The following MARK4 variants were observed in gnomAD, a reference collection of about 807,000 sequenced individuals.
MARK4 encodes microtubule affinity regulating kinase 4.
A neutral mutation model predicts 81.5 loss-of-function variants in MARK4; 19 were observed. The observed-to-expected ratio is 0.23, with a 90% CI of 0.16 to 0.34. The LOEUF is 0.34. Ranked by LOEUF, MARK4 falls within the 10% of genes least tolerant of loss-of-function variation. The pLI is 1.00. For synonymous variants in MARK4, 436 were observed against 439.0 expected (o/e 0.99, Z 0.08); for missense variants, 772 against 1,058.8 (o/e 0.73, Z 3.76).
At chr19:45,288,666 C>T (rs1236934464) in intron 13 of MARK4, 1 of 150,760 alleles carries the variant, frequency 6.6e-6, no homozygotes, top group East Asian at 2.0e-4. Context: ...GTGGCTAACA[C>T]AGTGAAACCT....
At chr19:45,282,729 G>A (rs1970692357) in intron 12 of MARK4, among the ~76,000 whole-genome samples, 2 of 152,056 alleles carry the variant, frequency 1.3e-5, no homozygotes, top group Non-Finnish European at 1.5e-5. Context: ...GGAGGCTGAG[G>A]CAGAGAATTG....
At chr19:45,269,125 T>C (rs1245046211) in intron 7 of MARK4, among the ~76,000 whole-genome samples, 1 of 152,126 alleles carries the variant, frequency 6.6e-6, no homozygotes, top group East Asian at 1.9e-4. Context: ...ACCTGTAATC[T>C]CAGCACTTTT....
chr19:45,302,629 A>G lies in MARK4; in HGVS notation c.2178A>G (p.Gly726=). 6.5e-7 allele frequency: 1 copy of G among 1,547,136 alleles called. No homozygotes were observed. Among genetic ancestry groups the G allele is most frequent in the Non-Finnish European group, 8.7e-7 (1 of 1,153,074 alleles). Reference sequence around the variant, plus strand: ...AGCTGCCCCGGCCAGGCTTGCGGGGAGTTCTCTTCCGCCGTGTGGCGGGCA... The same window carrying G: ...AGCTGCCCCGGCCAGGCTTGCGGGGGGTTCTCTTCCGCCGTGTGGCGGGCA... ...VCQLPRPGLR[G]VLFRRVAGTA... Residue 726 remains glycine (G), a synonymous_variant, in exon 17 of 17, where the codon GGA becomes GGG. Transcript: ENST00000262891. This position sits in a 1 kb window ranked among gnomAD's most constrained non-coding sequence, Gnocchi z 4.9.
chr19:45,262,961 C>T (rs773892019), intron 2 of MARK4, 152 bp from the exon 3 acceptor site: 317 of 789,552 alleles, frequency 4.0e-4, no homozygotes, highest in Non-Finnish European at 6.0e-4. Flanking sequence ...GACAGGGTTT[C>T]GTCGTGTTGA....
intron 10 of MARK4, chr19:45,280,163 AC>A: frequency 2.0e-6 from 1 of 505,134 alleles, no homozygotes; most frequent in Non-Finnish European, 3.6e-6. Flanking sequence ...AGCCTGGACA[AC>A]ATAGCAAAAC....
At chr19:45,282,582 C>G (rs1325145241) in intron 12 of MARK4, among the ~76,000 whole-genome samples, 1 of 151,994 alleles carries the variant, frequency 6.6e-6, no homozygotes, top group Non-Finnish European at 1.5e-5. Flanking sequence ...AATCCCAGCA[C>G]TTTAGGAAGC....
intron 1 of MARK4, among the ~76,000 whole-genome samples, chr19:45,256,660 GATT>G (rs913420634): frequency 1.3e-5 from 2 of 152,228 alleles, no homozygotes; most frequent in African/African-American, 4.8e-5. Flanking sequence ...GGTCAGCGTT[GATT>G]GGGGTTGAGG....
rs1599808535 is a variant in MARK4 at position 45,301,587 on chromosome 19, G to A, written c.1923-787G>A. On this transcript the variant is annotated intron_variant, in intron 16 of 16. Transcript: ENST00000262891. ...AAAAAAAAAAAAAAAAAAGCCGGGC[G>A]CAGTGGCTCACACCTGTAATCCCAG... is the stretch of plus-strand genomic sequence containing the variant. 2.3e-5 allele frequency among the ~76,000 whole-genome samples: 3 copies of A among 129,476 alleles called. No individual in the cohort carries two copies. In the East Asian group the frequency reaches 6.8e-4, roughly 29 times the overall value. The allele number at this position is 129,476 out of a possible 152,430, so 84.9% of individuals were successfully genotyped here. A position where few individuals can be genotyped will look rare whatever the true frequency, so the allele number is the denominator to read the frequency against.
Position 45,271,612 on chromosome 19 carries a change from G to A in MARK4, c.690G>A (p.Lys230=), listed in dbSNP as rs1308125361. The A allele has an allele frequency of 1.1e-5, 17 of 1,614,154 alleles. No individual in the cohort carries two copies. The highest frequency in any genetic ancestry group is 1.2e-5 in the Non-Finnish European group (14 of 1,180,062). The part of the protein sequence containing the change: ...PYAAPELFQG[K]KYDGPEVDIW... ...CCGCCCCGGAGCTGTTTCAGGGCAAGAAGTACGACGGGCCGGAGGTGGACA... is the reference window on the plus strand; with the variant it reads ...CCGCCCCGGAGCTGTTTCAGGGCAAAAAGTACGACGGGCCGGAGGTGGACA... The change falls in exon 8 of 17, where the codon AAG becomes AAA. Residue 230 remains lysine, a synonymous_variant. Coordinates refer to ENST00000262891, the MANE Select transcript of MARK4 (RefSeq NM_001199867.2). This position sits in a 1 kb window ranked among gnomAD's most constrained non-coding sequence, Gnocchi z 4.1.
chr19:45,299,367 C>T (rs1970935332), intron 15 of MARK4, among the ~76,000 whole-genome samples: 2 of 151,956 alleles, frequency 1.3e-5, no homozygotes, highest in Admixed American at 6.6e-5. Flanking sequence ...GAGGCTGCAG[C>T]GAGCTGAGAT....
chr19:45,257,687 A>AT (rs1568489519), intron 1 of MARK4, among the ~76,000 whole-genome samples: 11 of 79,150 alleles, frequency 1.4e-4, no homozygotes, highest in South Asian at 4.1e-4. Context: ...CTGGCCCATA[A>AT]TATTTTTTTT....
chr19:45,268,574 A>G (rs1288524307), intron 7 of MARK4, among the ~76,000 whole-genome samples: 2 of 147,204 alleles, frequency 1.4e-5, no homozygotes, highest in Non-Finnish European at 3.0e-5. Context: ...ACAGAGCAAG[A>G]CTCCATCTCA....
In MARK4 at chr19:45,257,544, C is replaced by T. The variant is rs911898206; in HGVS notation, c.52-1445C>T. ...GATTACAGGTGCGCGTCACCATGTC[C>T]GGCTAATTTTTGTATTTTTAGTAGA... On this transcript the variant is annotated intron_variant, in intron 1 of 16. Transcript: ENST00000262891. 2.2e-4 allele frequency among the ~76,000 whole-genome samples: 33 copies of T among 149,676 alleles called. 1 individual carries two copies. The highest frequency in any genetic ancestry group is 8.0e-4 in the Admixed American group (12 of 14,968).
chr19:45,259,166 C>T lies in MARK4; in HGVS notation c.229C>T (p.Arg77Trp). ...KGNFAKVKLA[R>W]HILTGREVAI... ...CAACTTTGCCAAAGTCAAGCTGGCT[C>T]GGCACATCCTCACTGGTCGGGAGGT... Residue 77 changes from arginine to tryptophan, a missense_variant, in exon 2 of 17, where the codon CGG (arginine) becomes TGG (tryptophan). This residue lies in a region of MARK4 where 115 missense variants were observed against 139.8 expected (regional missense o/e 0.82). Transcript: ENST00000262891. 2 of 1,614,104 alleles carry T rather than the reference C, an allele frequency of 1.2e-6. No homozygotes were observed. The highest frequency in any genetic ancestry group is 1.7e-6 in the Non-Finnish European group (2 of 1,180,030).
chr19:45,298,349 T>G, intron 15 of MARK4: 1 of 1,006,832 alleles, frequency 9.9e-7, no homozygotes, highest in South Asian at 1.4e-5. Context: ...TGGTTGTTCA[T>G]TTACTCACAG....
In MARK4 at chr19:45,299,685, G is replaced by T. The variant is rs1349321201; in HGVS notation, c.1878-126G>T. The T allele has an allele frequency of 4.3e-6, 3 of 701,496 alleles. No individual in the cohort carries two copies. The African/African-American group carries it at 5.5e-5, about 13-fold the overall frequency. 43.5% of individuals were successfully genotyped at this position (701,496 alleles called of 1,614,324 possible). On this transcript the variant is annotated intron_variant, in intron 15 of 16. Coordinates refer to ENST00000262891, the MANE Select transcript of MARK4 (RefSeq NM_001199867.2). ...ACAAGGAGATCAAATCCTGACTCCA[G>T]GCCCTCACCAGCCCGGAGGGACTGG...
At chr19:45,260,160 C>T (rs1292790119) in intron 2 of MARK4, among the ~76,000 whole-genome samples, 1 of 152,074 alleles carries the variant, frequency 6.6e-6, no homozygotes, top group African/African-American at 2.4e-5. Flanking sequence ...GAGGCCAAGG[C>T]AAGTGGATCA....
intron 2 of MARK4, among the ~76,000 whole-genome samples, chr19:45,262,542 T>A (rs1970393785): frequency 6.6e-6 from 1 of 152,228 alleles, no homozygotes; most frequent in African/African-American, 2.4e-5. Context: ...GGGCCAGTGA[T>A]CTTCATTGCC....
At chr19:45,283,409 CAAAAAAAAAA>C (rs869039919) in intron 12 of MARK4, among the ~76,000 whole-genome samples, 6 of 86,400 alleles carry the variant, frequency 6.9e-5, no homozygotes, top group Non-Finnish European at 6.6e-5. Flanking sequence ...GACTTCCTCT[CAAAAAAAAAA>C]AAAAAAAAAA....
Sources: gnomAD v4.1 joint callset for allele counts (sites outside exome capture counted in the v4.1 genomes callset) on GRCh38, gnomAD v4.1.1 for gene constraint, gnomAD v4.1.1 regional missense constraint, Gnocchi (gnomAD v3.1) non-coding constraint, MANE v1.5 for transcripts, NCBI Gene and HGNC (gene_info 2026-07-23, HGNC 2026-07-21) for gene names.